CHST9: variants seen among roughly 807,000 people sequenced by gnomAD.
The protein encoded by CHST9 is GalNAc-4-sulfotransferase 2.
A neutral mutation model predicts 44.4 loss-of-function variants in CHST9; 41 were observed. The ratio of observed to expected loss-of-function variants is 0.92; its 90% CI spans 0.72 to 1.20. The LOEUF (loss-of-function observed/expected upper bound fraction) is 1.20. CHST9 is among the 50% of genes most tolerant of loss of function. The pLI is 0.00. For synonymous variants in CHST9, 171 were observed against 178.4 expected (o/e 0.96, Z 0.33); for missense variants, 504 against 516.5 (o/e 0.98, Z 0.23).
chr18:27,017,728 T>G (rs2057171703), intron 4 of CHST9, among the ~76,000 whole-genome samples: 1 of 152,198 alleles, frequency 6.6e-6, no homozygotes. Context: ...CAGGTGTATC[T>G]AATTCTCAAA....
At chr18:27,063,552 T>C (rs2057749322) in intron 2 of CHST9, among the ~76,000 whole-genome samples, 1 of 152,218 alleles carries the variant, frequency 6.6e-6, no homozygotes, top group Non-Finnish European at 1.5e-5. Context: ...CCTTTCCTCC[T>C]AGCATTATTT....
intron 3 of CHST9, among the ~76,000 whole-genome samples, chr18:27,036,672 A>T (rs1158665518): frequency 6.6e-6 from 1 of 152,216 alleles, no homozygotes; most frequent in Non-Finnish European, 1.5e-5. Context: ...GGGACCAAGG[A>T]CTGGGCCACG....
chr18:27,003,368 TG>T (rs2056975701), intron 4 of CHST9, among the ~76,000 whole-genome samples: 1 of 152,150 alleles, frequency 6.6e-6, no homozygotes, highest in African/African-American at 2.4e-5. Context: ...CTACCACTCA[TG>T]GGAGGTTAGC....
At chr18:27,146,500 G>A (rs2058613515) in intron 1 of CHST9, among the ~76,000 whole-genome samples, 1 of 152,164 alleles carries the variant, frequency 6.6e-6, no homozygotes. Context: ...CCTATTTGGA[G>A]ATCATATATC....
At position 26,957,503 on chromosome 18, in the gene CHST9, T is replaced by A. The variant is rs188629723; in HGVS notation, c.203-13137A>T. Among the ~76,000 whole-genome samples the A allele has an allele frequency of 7.3e-3, 1,101 of 151,680 alleles. 12 individuals carry two copies. Among genetic ancestry groups the A allele is most frequent in the Non-Finnish European group, 9.5e-3 (647 of 68,004 alleles). On this transcript the variant is annotated intron_variant, in intron 4 of 5. Transcript: ENST00000618847. ...TAGAAATAGGAATTTTTAGCTGTCA[T>A]ACTTAGCTACTACCTTGATCCTTTG... is the stretch of plus-strand genomic sequence containing the variant.
At chr18:27,173,648 A>G (rs534100457) in intron 1 of CHST9, among the ~76,000 whole-genome samples, 1 of 152,010 alleles carries the variant, frequency 6.6e-6, no homozygotes, top group Non-Finnish European at 1.5e-5. Flanking sequence ...TTTAGTGCTT[A>G]TATATAAATT....
chr18:26,958,073 A>T (rs1208750854), intron 4 of CHST9, among the ~76,000 whole-genome samples: 1 of 113,294 alleles, frequency 8.8e-6, no homozygotes, highest in African/African-American at 2.9e-5. Flanking sequence ...TTTAGTAGAC[A>T]TGGGGTTTCT....
At chr18:26,917,436 A>C (rs1397180568) in intron 5 of CHST9, 86 bp from the exon 6 acceptor site, 1 of 1,434,514 alleles carries the variant, frequency 7.0e-7, no homozygotes, top group Non-Finnish European at 9.4e-7. Flanking sequence ...TTTGTTTTAA[A>C]ATAGTATCAA....
intron 2 of CHST9, among the ~76,000 whole-genome samples, chr18:27,104,312 C>T (rs948847262): frequency 5.9e-5 from 9 of 152,176 alleles, no homozygotes; most frequent in Non-Finnish European, 1.2e-4. Flanking sequence ...AGTTGTGTGT[C>T]TGACTGATTG....
At chr18:26,922,819 A>G (rs1377545201) in intron 5 of CHST9, among the ~76,000 whole-genome samples, 1 of 152,038 alleles carries the variant, frequency 6.6e-6, no homozygotes, top group East Asian at 1.9e-4. Context: ...TATTTTTAGT[A>G]GAGACGGGGT....
chr18:26,974,835 G>A (rs1354035468), intron 4 of CHST9, among the ~76,000 whole-genome samples: 1 of 152,016 alleles, frequency 6.6e-6, no homozygotes, highest in East Asian at 1.9e-4. Context: ...CACCACGCCC[G>A]GCTAAATTTT....
chr18:27,146,167 A>G (rs1267660437), intron 1 of CHST9, among the ~76,000 whole-genome samples: 9 of 152,190 alleles, frequency 5.9e-5, no homozygotes, highest in Admixed American at 5.9e-4. Flanking sequence ...ATTATTACCT[A>G]CGATGCTGGA....
At chr18:27,060,930 G>T (rs1019333872) in intron 2 of CHST9, among the ~76,000 whole-genome samples, 1 of 152,192 alleles carries the variant, frequency 6.6e-6, no homozygotes, top group South Asian at 2.1e-4. Context: ...TCCAGCTATA[G>T]GTGAGATGAA....
chr18:26,995,276 A>AG (rs1443530627), intron 4 of CHST9, among the ~76,000 whole-genome samples: 2 of 151,288 alleles, frequency 1.3e-5, no homozygotes, highest in Non-Finnish European at 2.9e-5. Context: ...AAAAAAAAAA[A>AG]AAATGCAAAA....
chr18:26,963,029 G>C (rs540464147), intron 4 of CHST9, among the ~76,000 whole-genome samples: 5 of 152,274 alleles, frequency 3.3e-5, no homozygotes, highest in African/African-American at 1.2e-4. Context: ...TGAGAAAATT[G>C]AGGGTTCAGT....
intron 2 of CHST9, among the ~76,000 whole-genome samples, chr18:27,122,835 A>T (rs1375289726): frequency 1.3e-5 from 2 of 152,180 alleles, no homozygotes; most frequent in Non-Finnish European, 2.9e-5. Context: ...CTCCAGTTTG[A>T]CTACTCAAAA....
At chr18:27,156,160 CA>C (rs11299491) in intron 1 of CHST9, among the ~76,000 whole-genome samples, 60,420 of 138,554 alleles carry the variant, frequency 0.44, 12,591 homozygotes, top group East Asian at 0.63. Context: ...GAAATATGGC[CA>C]AAAAAAAAAA....
At chr18:27,084,107 T>C (rs1360657532) in intron 2 of CHST9, among the ~76,000 whole-genome samples, 2 of 152,026 alleles carry the variant, frequency 1.3e-5, no homozygotes, top group African/African-American at 4.8e-5. Flanking sequence ...TTGCTTTTTT[T>C]TTTTTGCTTG....
At chr18:27,032,229 C>G (rs2057348808) in intron 3 of CHST9, among the ~76,000 whole-genome samples, 1 of 152,284 alleles carries the variant, frequency 6.6e-6, no homozygotes, top group Non-Finnish European at 1.5e-5. Context: ...GACTGGCACA[C>G]AGAAACACCC....
Sources: allele counts gnomAD v4.1 joint callset (sites outside exome capture counted in the v4.1 genomes callset), GRCh38; gene constraint gnomAD v4.1.1; transcripts MANE v1.5; gene names NCBI Gene and HGNC (gene_info 2026-07-23, HGNC 2026-07-21).